Variants in FKBP3 observed in about 807,000 individuals in gnomAD.
FKBP3 encodes peptidyl-prolyl cis-trans isomerase FKBP3.
In FKBP3, 21 loss-of-function variants were observed where a neutral mutation model predicts 30.6. That is an observed-to-expected ratio of 0.69 (90% CI 0.49 to 0.99). The LOEUF (loss-of-function observed/expected upper bound fraction) is 0.99. Among genes scored for constraint, FKBP3 ranks in the 50% least tolerant of loss-of-function variants. The pLI, the probability that FKBP3 is intolerant of heterozygous loss-of-function variation, is 0.00. For synonymous variants in FKBP3, 82 were observed against 91.3 expected (o/e 0.90, Z 0.58); for missense variants, 283 against 261.6 (o/e 1.08, Z -0.56).
At chr14:45,127,497 T>A (rs1241507576) in intron 3 of FKBP3, among the ~76,000 whole-genome samples, 2 of 152,118 alleles carry the variant, frequency 1.3e-5, no homozygotes, top group South Asian at 2.1e-4. Flanking sequence ...ACATCCCAAA[T>A]ACCATCATTT....
chr14:45,125,083 A>T (rs1217986894), intron 3 of FKBP3, among the ~76,000 whole-genome samples: 13 of 152,084 alleles, frequency 8.5e-5, no homozygotes, highest in Non-Finnish European at 1.5e-5. Flanking sequence ...CACTTGGCTA[A>T]TTTTTGTATT....
At chr14:45,126,791 C>A (rs749277417) in intron 3 of FKBP3, among the ~76,000 whole-genome samples, 1 of 152,070 alleles carries the variant, frequency 6.6e-6, no homozygotes, top group Non-Finnish European at 1.5e-5. Flanking sequence ...TGAGTCCAGC[C>A]TGGGCAACAC....
In FKBP3 at chr14:45,134,412, C is replaced by CAGCT; in HGVS notation, c.41_44dup (p.Arg16AlafsTer4). 1 of 1,613,760 alleles carries CAGCT rather than the reference C, an allele frequency of 6.2e-7. No individual in the cohort carries two copies. The highest frequency in any genetic ancestry group is 8.5e-7 in the Non-Finnish European group (1 of 1,179,924). ...CCTTCTTGGGCAGCTGCTCACTGCG[C>CAGCT]AGCTGCTCCACGGTCCACGCCCGCT... On this transcript the variant is annotated frameshift_variant, in exon 1 of 7. Coordinates refer to ENST00000396062, the MANE Select transcript of FKBP3 (RefSeq NM_002013.4). LOFTEE classifies it high-confidence loss of function.
chr14:45,130,708 A>G lies in FKBP3; in HGVS notation c.201T>C (p.Phe67=), dbSNP rs939644848. 6.3e-7 allele frequency: 1 copy of G among 1,583,460 alleles called. No homozygotes were observed. Among genetic ancestry groups the G allele is most frequent in the African/African-American group, 1.4e-5 (1 of 73,550 alleles). The change falls in exon 2 of 7, where the codon TTT becomes TTC. Residue 67 remains phenylalanine (F), a synonymous_variant. Transcript: ENST00000396062. The part of the protein sequence containing the change: ...DHLVTAYNHL[F]ETKRFKGTES... ...ATCTAACAATACTCACCTTAGTTTCAAAAAGATGGTTATAGGCTGTAACCA... is the reference window on the plus strand; with the variant it reads ...ATCTAACAATACTCACCTTAGTTTCGAAAAGATGGTTATAGGCTGTAACCA...
chr14:45,118,928 C>T (rs940413460), intron 5 of FKBP3, among the ~76,000 whole-genome samples: 2 of 152,092 alleles, frequency 1.3e-5, no homozygotes, highest in African/African-American at 4.8e-5. Flanking sequence ...GTGATCTTGG[C>T]TCACTGCAGC....
rs746560206 is a variant in FKBP3, at chr14:45,134,349, C to G, written c.108G>C (p.Ser36=). The G allele has an allele frequency of 1.2e-6, 2 of 1,612,628 alleles. No individual in the cohort carries two copies. Among genetic ancestry groups the G allele is most frequent in the South Asian group, 1.1e-5 (1 of 91,020 alleles). ...IKFLQEHGSD[S]FLAEHKLLGN... ...CCGGCCGCCCCTACGCCTCTGGTAC[C>G]GAATCTGAACCGTGTTCCTGCAGAA... Residue 36 remains serine (S), a splice_region_variant and synonymous_variant, in exon 1 of 7, where the codon TCG becomes TCC. Transcript: ENST00000396062.
chr14:45,134,260 C>T, intron 1 of FKBP3, 89 bp downstream of exon 1: 1 of 1,066,876 alleles, frequency 9.4e-7, no homozygotes, highest in Non-Finnish European at 1.4e-6. Flanking sequence ...AGGGCGGGGG[C>T]ACAGAGGAAT....
intron 5 of FKBP3, among the ~76,000 whole-genome samples, chr14:45,119,854 A>T (rs1884944187): frequency 6.6e-6 from 1 of 151,686 alleles, no homozygotes; most frequent in African/African-American, 2.4e-5. Context: ...TGCCCAGATA[A>T]TTTTTTGTAT....
chr14:45,120,566 T>C (rs561895704), intron 5 of FKBP3, among the ~76,000 whole-genome samples: 1 of 152,288 alleles, frequency 6.6e-6, no homozygotes, highest in Non-Finnish European at 1.5e-5. Context: ...TGACAAAGAC[T>C]TACTTTATGA....
Position 45,131,628 on chromosome 14 carries a change from C to CAAAAAAAAA in FKBP3, c.109-837_109-829dup, listed in dbSNP as rs536298530. On this transcript the variant is annotated intron_variant, in intron 1 of 6. Transcript: ENST00000396062. ...TAGGTGACAGAGCAAGACTCTGTCTCAAAAAAAAAAAAAAAAAAAAAAAAA... is the reference window on the plus strand; with the variant it reads ...TAGGTGACAGAGCAAGACTCTGTCTCAAAAAAAAAAAAAAAAAAAAAAAAAAAAAAAAAA... 7.3e-4 allele frequency among the ~76,000 whole-genome samples: 29 copies of CAAAAAAAAA among 39,464 alleles called. 2 individuals carry two copies. Among genetic ancestry groups the CAAAAAAAAA allele is most frequent in the African/African-American group, 2.3e-3 (27 of 11,560 alleles). 25.9% of individuals were successfully genotyped at this position (39,464 alleles called of 152,430 possible). A position where few individuals can be genotyped will look rare whatever the true frequency, so the allele number is the denominator to read the frequency against.
intron 2 of FKBP3, among the ~76,000 whole-genome samples, chr14:45,130,230 T>C (rs1204556157): frequency 2.0e-5 from 3 of 152,242 alleles, no homozygotes; most frequent in South Asian, 4.1e-4. Context: ...GTGGAAGATA[T>C]TCATTTCATA....
rs1185697118 is a variant in FKBP3 at position 45,130,741 on chromosome 14, C to T, written c.168G>A (p.Lys56=). Residue 56 remains lysine, a synonymous_variant, in exon 2 of 7, where the codon AAG becomes AAA. Coordinates refer to ENST00000396062, the MANE Select transcript of FKBP3 (RefSeq NM_002013.4). ...GGTTATAGGCTGTAACCAAGTGGTC[C>T]TTGTTAGCTGTCTTGGCCACATTTT... The part of the protein sequence containing the change: ...NIKNVAKTAN[K]DHLVTAYNHL... 2 of 1,611,120 alleles carry T rather than the reference C, an allele frequency of 1.2e-6. No individual in the cohort carries two copies. The highest frequency in any genetic ancestry group is 1.7e-4 in the Middle Eastern group (1 of 5,842).
At chr14:45,127,616 CA>C (rs1254559318) in intron 3 of FKBP3, among the ~76,000 whole-genome samples, 2 of 152,082 alleles carry the variant, frequency 1.3e-5, no homozygotes, top group African/African-American at 4.8e-5. Flanking sequence ...TCTTAAAGCA[CA>C]TTTCAGTTCA....
chr14:45,123,075 C>T (rs1025787846), intron 3 of FKBP3, among the ~76,000 whole-genome samples: 1 of 151,330 alleles, frequency 6.6e-6, no homozygotes, highest in African/African-American at 2.4e-5. Context: ...TGCCTGTAAT[C>T]CCAGCTACTC....
chr14:45,117,465 T>C (rs1884875075), intron 6 of FKBP3, among the ~76,000 whole-genome samples: 1 of 151,784 alleles, frequency 6.6e-6, no homozygotes, highest in African/African-American at 2.4e-5. Context: ...GTCTTAATGG[T>C]CTGGAGTCAT....
intron 3 of FKBP3, among the ~76,000 whole-genome samples, chr14:45,124,099 G>A (rs934846962): frequency 6.6e-6 from 1 of 152,132 alleles, no homozygotes; most frequent in Non-Finnish European, 1.5e-5. Flanking sequence ...AACAATTACT[G>A]CTTATAGTTT....
intron 3 of FKBP3, among the ~76,000 whole-genome samples, chr14:45,123,741 A>C (rs970140412): frequency 6.7e-6 from 1 of 148,838 alleles, no homozygotes; most frequent in African/African-American, 2.5e-5. Context: ...CAGCCTCCCA[A>C]AGTAGCTGGG....
intron 3 of FKBP3, among the ~76,000 whole-genome samples, chr14:45,124,904 G>A (rs1179929011): frequency 1.3e-5 from 2 of 152,000 alleles, no homozygotes; most frequent in African/African-American, 2.4e-5. Flanking sequence ...TTACAGAATC[G>A]GATCTGTGTT....
Position 45,134,394 on chromosome 14 carries a change from G to C in FKBP3, c.63C>G (p.Pro21=), listed in dbSNP as rs772252908. ...TVEQLRSEQL[P]KKDIIKFLQE... ...GCAGAAACTTGATAATGTCCTTCTTGGGCAGCTGCTCACTGCGCAGCTGCT... is the reference window on the plus strand; with the variant it reads ...GCAGAAACTTGATAATGTCCTTCTTCGGCAGCTGCTCACTGCGCAGCTGCT... Residue 21 remains proline (P), a synonymous_variant, in exon 1 of 7, where the codon CCC becomes CCG. Transcript: ENST00000396062. 16 of 1,613,740 alleles carry C rather than the reference G, an allele frequency of 9.9e-6. No individual in the cohort carries two copies. The South Asian group carries it at 1.8e-4, about 18-fold the overall frequency.
Sources: allele counts gnomAD v4.1 joint callset (sites outside exome capture counted in the v4.1 genomes callset), GRCh38; gene constraint gnomAD v4.1.1; transcripts MANE v1.5; gene names NCBI Gene and HGNC (gene_info 2026-07-23, HGNC 2026-07-21).